TNS1: variants seen among roughly 807,000 people sequenced by gnomAD.
TNS1 encodes the protein tensin-1.
TNS1 carries 62 observed loss-of-function variants against 168.6 expected under a neutral mutation model. The observed-to-expected ratio is 0.37, with a 90% CI of 0.30 to 0.45. The LOEUF (loss-of-function observed/expected upper bound fraction) is 0.45. Ranked by LOEUF, TNS1 falls within the 20% of genes least tolerant of loss-of-function variation. The probability of loss-of-function intolerance (pLI) is 1.00; values close to 1 mark genes in which losing one functional copy is unlikely to be tolerated. For missense variants in TNS1, 2,240 were observed against 2,339.4 expected (o/e 0.96, Z 0.88); for synonymous variants, 934 against 933.2 (o/e 1.00, Z -0.02).
At chr2:217,861,402 G>T (rs1254790577) in intron 18 of TNS1, among the ~76,000 whole-genome samples, 4 of 152,190 alleles carry the variant, frequency 2.6e-5, no homozygotes, top group Admixed American at 6.5e-5. Context: ...CTTGCTTCCA[G>T]TCGTTCTTTA....
chr2:217,826,360 C>T (rs1332197166), intron 22 of TNS1, among the ~76,000 whole-genome samples: 2 of 152,046 alleles, frequency 1.3e-5, no homozygotes, highest in Admixed American at 6.6e-5. Flanking sequence ...TCTGTTTATT[C>T]CCTGGCTCTT....
At chr2:217,915,498 T>C (rs1954905574) in intron 4 of TNS1, among the ~76,000 whole-genome samples, 1 of 152,176 alleles carries the variant, frequency 6.6e-6, no homozygotes, top group South Asian at 2.1e-4. Flanking sequence ...CGTAGAACAG[T>C]GCCTGGCACT....
chr2:217,896,255 G>C (rs570074813), intron 8 of TNS1, among the ~76,000 whole-genome samples: 1 of 152,324 alleles, frequency 6.6e-6, no homozygotes, highest in South Asian at 2.1e-4. Flanking sequence ...GCAGCTAACA[G>C]GTGGGTCTCT....
intron 12 of TNS1, among the ~76,000 whole-genome samples, chr2:217,888,432 G>C (rs1238758209): frequency 1.3e-5 from 2 of 152,172 alleles, no homozygotes; most frequent in Non-Finnish European, 1.5e-5. Flanking sequence ...AGCAGAGGCA[G>C]TGTCAGACAG....
chr2:217,920,420 G>A (rs1284335714), intron 3 of TNS1, among the ~76,000 whole-genome samples, 184 bp from the exon 4 acceptor site: 1 of 152,158 alleles, frequency 6.6e-6, no homozygotes, highest in Non-Finnish European at 1.5e-5. Flanking sequence ...AATAACGCCT[G>A]GGAAAGGGAG....
chr2:218,016,646 G>A (rs1958763759), intron 1 of TNS1, among the ~76,000 whole-genome samples: 1 of 152,222 alleles, frequency 6.6e-6, no homozygotes, highest in Non-Finnish European at 1.5e-5. Context: ...GGGGACCCAG[G>A]TCACACAGAC....
intron 19 of TNS1, among the ~76,000 whole-genome samples, chr2:217,846,952 C>T (rs143635187): frequency 2.0e-4 from 31 of 152,370 alleles, no homozygotes; most frequent in African/African-American, 6.7e-4. Context: ...GATACCCTCT[C>T]GGACTCTTTC....
At chr2:218,024,179 G>A (rs761860109) in intron 1 of TNS1, among the ~76,000 whole-genome samples, 2 of 152,174 alleles carry the variant, frequency 1.3e-5, no homozygotes, top group Non-Finnish European at 2.9e-5. Context: ...AAAGGACTCC[G>A]AGTCCCCATT....
At chr2:217,922,822 G>A (rs368793088) in intron 3 of TNS1, among the ~76,000 whole-genome samples, 6 of 152,326 alleles carry the variant, frequency 3.9e-5, no homozygotes, top group African/African-American at 1.4e-4. Flanking sequence ...GTGCCCCCTC[G>A]TGGCCTGCCA....
chr2:217,811,385 T>A (rs1940866958), intron 28 of TNS1, among the ~76,000 whole-genome samples: 1 of 152,222 alleles, frequency 6.6e-6, no homozygotes, highest in African/African-American at 2.4e-5. Context: ...GTATTTGAAC[T>A]TATAAGCTAA....
chr2:217,920,342 G>T (rs899231706), intron 3 of TNS1, 106 bp from the exon 4 acceptor site: 2 of 688,152 alleles, frequency 2.9e-6, no homozygotes, highest in East Asian at 2.7e-5. Context: ...TCCCTCACAC[G>T]GGCTGACACC....
chr2:217,896,684 T>G (rs1308904087), intron 8 of TNS1, among the ~76,000 whole-genome samples: 3 of 152,170 alleles, frequency 2.0e-5, no homozygotes, highest in Admixed American at 2.0e-4. Context: ...TCACTTGGTG[T>G]CTATGGAGGA....
intron 3 of TNS1, among the ~76,000 whole-genome samples, chr2:217,959,560 C>T (rs770311485): frequency 1.3e-4 from 20 of 150,892 alleles, no homozygotes; most frequent in Non-Finnish European, 3.0e-4. Context: ...TAGCATGGAA[C>T]CTTAGCATGG....
At chr2:217,935,434 C>G (rs938914069) in intron 3 of TNS1, among the ~76,000 whole-genome samples, 1 of 152,196 alleles carries the variant, frequency 6.6e-6, no homozygotes, top group Non-Finnish European at 1.5e-5. Context: ...CTCTCCTCCC[C>G]CAGCCCCCAC....
At chr2:217,914,350 G>A (rs552651198) in intron 4 of TNS1, among the ~76,000 whole-genome samples, 1 of 152,324 alleles carries the variant, frequency 6.6e-6, no homozygotes, top group Admixed American at 6.5e-5. Flanking sequence ...AGGGATGCCT[G>A]GACCTCTGTG....
chr2:217,997,814 G>A (rs576359992), intron 1 of TNS1, among the ~76,000 whole-genome samples: 25 of 152,344 alleles, frequency 1.6e-4, no homozygotes, highest in Admixed American at 4.6e-4. Context: ...AGCGGTGAGC[G>A]ATTCGTGTTG....
intron 3 of TNS1, among the ~76,000 whole-genome samples, chr2:217,971,001 T>C (rs1191489993): frequency 6.6e-6 from 1 of 152,106 alleles, no homozygotes; most frequent in Non-Finnish European, 1.5e-5. Flanking sequence ...AGACAGAGCT[T>C]GGTCTCCAGA....
intron 20 of TNS1, among the ~76,000 whole-genome samples, chr2:217,835,598 C>A (rs1029915204): frequency 6.6e-6 from 1 of 152,196 alleles, no homozygotes; most frequent in African/African-American, 2.4e-5. Flanking sequence ...CTGCCTCCAA[C>A]TACTGAAATG....
At chr2:218,006,467 C>G (rs1439075283), upstream of TNS1, among the ~76,000 whole-genome samples, 3 of 152,250 alleles carry the variant, frequency 2.0e-5, no homozygotes, top group African/African-American at 4.8e-5. Flanking sequence ...TGATGTCCAC[C>G]CCTCTCCTAC....
Sources: gnomAD v4.1 joint callset for allele counts (sites outside exome capture counted in the v4.1 genomes callset) on GRCh38, gnomAD v4.1.1 for gene constraint, MANE v1.5 for transcripts, NCBI Gene and HGNC (gene_info 2026-07-23, HGNC 2026-07-21) for gene names.